The following FAN1 variants were observed in gnomAD, a reference collection of about 807,000 sequenced individuals.
The protein encoded by FAN1 is fanconi-associated nuclease 1.
FAN1 carries 91 observed loss-of-function variants against 104.9 expected under a neutral mutation model. The observed-to-expected ratio is 0.87, with a 90% confidence interval of 0.73 to 1.03. The LOEUF (loss-of-function observed/expected upper bound fraction) is 1.03, where lower values mean the gene tolerates loss of function less well. Among genes scored for constraint, FAN1 ranks in the 50% least tolerant of loss-of-function variants. The pLI, the probability that FAN1 is intolerant of heterozygous loss-of-function variation, is 0.00. For synonymous variants in FAN1, 478 were observed against 457.6 expected, an observed-to-expected ratio of 1.04 and a Z score of -0.57; for missense variants, 1,263 against 1,239.9, an observed-to-expected ratio of 1.02 and a Z score of -0.28.
At chr15:30,925,758 G>T in intron 9 of FAN1, 31 bp from the exon 10 acceptor site, 2 of 1,612,738 alleles carry the variant, frequency 1.2e-6, no homozygotes, top group Non-Finnish European at 1.7e-6. Context: ...CTGACCTGAG[G>T]CTAATAGATG....
At chr15:30,909,407 G>T (rs1251871344) in intron 3 of FAN1, among the ~76,000 whole-genome samples, 1 of 152,210 alleles carries the variant, frequency 6.6e-6, no homozygotes, top group Admixed American at 6.5e-5. Context: ...AGGACCCTCT[G>T]CAGAGCAGCG....
At chr15:30,911,407 G>GA in intron 4 of FAN1, 1 of 984,466 alleles carries the variant, frequency 1.0e-6, no homozygotes, top group South Asian at 4.7e-5. Flanking sequence ...GGATGCTTTT[G>GA]AAAACACTTT....
At position 30,927,667 on chromosome 15, in the gene FAN1, G is replaced by A. The variant is rs150618836; in HGVS notation, c.2489-886G>A. ...GCTGCCAGTACTGGCATGTCAGGAT[G>A]GGGGTCTGGTGGTCAGCACCTCCTC... is the stretch of plus-strand genomic sequence containing the variant. On this transcript the variant is annotated intron_variant, in intron 10 of 14. Transcript: ENST00000362065. 297 of 985,658 alleles carry A rather than the reference G, an allele frequency of 3.0e-4. No individual in the cohort carries two copies. The African/African-American group carries it at 4.7e-3, about 16-fold the overall frequency. 61.1% of individuals were successfully genotyped at this position (985,658 alleles called of 1,614,324 possible).
intron 12 of FAN1, among the ~76,000 whole-genome samples, chr15:30,929,642 CAATATAT>C (rs1418946712): frequency 2.9e-5 from 3 of 102,366 alleles, no homozygotes; most frequent in African/African-American, 1.4e-4. Context: ...ATACAATATA[CAATATAT>C]AATATAATAT....
chr15:30,928,679 C>A (rs756828695), intron 11 of FAN1, 23 bp downstream of exon 11: 1 of 1,613,284 alleles, frequency 6.2e-7, no homozygotes, highest in African/African-American at 1.3e-5. Context: ...CCCTGCCCCA[C>A]GAGTAGGTCC....
intron 14 of FAN1, chr15:30,941,223 A>T (rs2063037943): frequency 7.1e-7 from 1 of 1,404,888 alleles, no homozygotes; most frequent in Admixed American, 2.1e-5. Flanking sequence ...AGACAACATG[A>T]ACAGTTTGAT....
chr15:30,915,286 T>C (rs1366570781), intron 5 of FAN1, among the ~76,000 whole-genome samples: 2 of 152,196 alleles, frequency 1.3e-5, no homozygotes, highest in African/African-American at 4.8e-5. Context: ...GAATAGTGGT[T>C]ACCAGAGGCT....
chr15:30,913,447 T>G (rs964809574), intron 4 of FAN1, among the ~76,000 whole-genome samples: 1 of 152,200 alleles, frequency 6.6e-6, no homozygotes, highest in African/African-American at 2.4e-5. Context: ...AAATCTGATG[T>G]TTTACCTGGA....
chr15:30,942,074 T>C lies in FAN1; in HGVS notation c.*512T>C, dbSNP rs1362578886. ...TCTTAGTGTGGAGCTGTAGCTTTTC[T>C]ATACAGAAGAGATTTTATTATGTTC... On this transcript the variant is annotated 3_prime_UTR_variant, in exon 15 of 15. Coordinates refer to ENST00000362065, the MANE Select transcript of FAN1 (RefSeq NM_014967.5). The C allele has an allele frequency of 2.5e-6, 4 of 1,608,858 alleles. No homozygotes were observed. Among genetic ancestry groups the C allele is most frequent in the Non-Finnish European group, 3.4e-6 (4 of 1,176,794 alleles).
At position 30,937,204 on chromosome 15, in the gene FAN1, T is replaced by G; in HGVS notation, c.3002T>G (p.Val1001Gly). Residue 1001 changes from valine (V) to glycine (G), a missense_variant, in exon 14 of 15, where the codon GTA (valine) becomes GGA (glycine). By Grantham distance (109) the Val-to-Gly change is moderately radical. This residue lies in a region of FAN1 where 581 missense variants were observed against 668.8 expected (regional missense o/e 0.87). Transcript: ENST00000362065. ...GAACTGCAGAAGCTGGGGGCTGAAG[T>G]AGAAGTCTGCCATGTGGTTGCAGTT... ...LAELQKLGAE[V>G]EVCHVVAVGA... 6.2e-7 allele frequency: 1 copy of G among 1,614,084 alleles called. No homozygotes were observed. Among genetic ancestry groups the G allele is most frequent in the South Asian group, 1.1e-5 (1 of 91,070 alleles).
Position 30,908,216 on chromosome 15 carries a change from C to A in FAN1, c.1333C>A (p.Pro445Thr). Residue 445 changes from proline (P) to threonine (T), a missense_variant, in exon 3 of 15, where the codon CCT becomes ACT. Transcript: ENST00000362065. ...EYEEIALDLT[P>T]VIEELTNAGF... is the part of the protein sequence containing the mutation. The stretch of plus-strand genomic sequence containing the variant: ...TGAAGAGATTGCCTTAGACTTAACA[C>A]CTGTGATTGAAGAATTGACGAATGC... The A allele has an allele frequency of 6.2e-7, 1 of 1,608,472 alleles. No homozygotes were observed.
chr15:30,920,684 T>TA (rs1291436309), intron 7 of FAN1, 31 bp downstream of exon 7: 2 of 1,279,412 alleles, frequency 1.6e-6, no homozygotes, highest in Non-Finnish European at 1.1e-6. Context: ...CCCCCACCAT[T>TA]ACTGATGTGA....
At chr15:30,932,513 GA>G (rs2062739119) in intron 13 of FAN1, among the ~76,000 whole-genome samples, 1 of 152,074 alleles carries the variant, frequency 6.6e-6, no homozygotes, top group Non-Finnish European at 1.5e-5. Context: ...ACATTTGATA[GA>G]ATTCCCCAGT....
In FAN1 at chr15:30,904,590, A is replaced by T. The variant is rs2061927216; in HGVS notation, c.-74A>T. ...GGTGATTTCAAGTCAAGAAAGTAAA[A>T]GTAAACCATTGCTATCTTTCACCTT... On this transcript the variant is annotated 5_prime_UTR_variant, in exon 2 of 15. In the 5' UTR this introduces an upstream ATG that the reference lacks. Coordinates refer to ENST00000362065, the MANE Select transcript of FAN1 (RefSeq NM_014967.5). 1 of 1,448,952 alleles carries T rather than the reference A, an allele frequency of 6.9e-7. No homozygotes were observed. The highest frequency in any genetic ancestry group is 1.7e-5 in the Admixed American group (1 of 59,696). The allele number at this position is 1,448,952 out of a possible 1,614,324, so 89.8% of individuals were successfully genotyped here.
intron 14 of FAN1, chr15:30,939,166 G>T (rs1332713525): frequency 1.0e-6 from 1 of 985,226 alleles, no homozygotes; most frequent in East Asian, 1.1e-4. Context: ...CCCTCTGTTA[G>T]TACAAATTAA....
In FAN1 at chr15:30,914,058, C is replaced by T; in HGVS notation, c.1778C>T (p.Thr593Ile). The change falls in exon 5 of 15, where the codon ACC becomes ATC. Residue 593 changes from threonine (T) to isoleucine (I), a missense_variant. By Grantham distance (89) the Thr-to-Ile change is moderately conservative (BLOSUM62 -1). Transcript: ENST00000362065. ...EFPSYTINRKTHIFQDRDDLI... is the reference protein window; with the variant it reads ...EFPSYTINRKIHIFQDRDDLI... ...CCTAGTTACACCATCAATCGGAAAA[C>T]CCACATCTTCCAAGACAGAGATGAT... 3 of 1,613,968 alleles carry T rather than the reference C, an allele frequency of 1.9e-6. No individual in the cohort carries two copies. Among genetic ancestry groups the T allele is most frequent in the African/African-American group, 1.3e-5 (1 of 75,012 alleles).
chr15:30,924,914 AGCACGTT>A (rs2062421752), intron 8 of FAN1, among the ~76,000 whole-genome samples: 1 of 152,242 alleles, frequency 6.6e-6, no homozygotes, highest in Non-Finnish European at 1.5e-5. Context: ...GTCACGCTCC[AGCACGTT>A]GACTGTGAAG....
chr15:30,917,439 A>G (rs1001171260), intron 5 of FAN1, among the ~76,000 whole-genome samples: 1 of 152,188 alleles, frequency 6.6e-6, no homozygotes, highest in African/African-American at 2.4e-5. Context: ...AATGAGATCT[A>G]AGAATTTGTG....
Position 30,905,499 on chromosome 15 carries a change from C to A in FAN1, c.836C>A (p.Ser279Ter). The A allele has an allele frequency of 1.2e-6, 2 of 1,613,998 alleles. No homozygotes were observed. The highest frequency in any genetic ancestry group is 8.5e-7 in the Non-Finnish European group (1 of 1,179,908). Residue 279 changes from serine to a stop codon, truncating the protein, a stop_gained, in exon 2 of 15, where the codon TCA becomes TAA. Coordinates refer to ENST00000362065, the MANE Select transcript of FAN1 (RefSeq NM_014967.5). LOFTEE classifies it high-confidence loss of function. ...CTTAGGAATACATTAAAGTCTACTT[C>A]AGAAGACAGTCTTGTAAAGCAAGAG... ...FTLRNTLKST[S>*]EDSLVKQECI...
Sources: gnomAD v4.1 joint callset for allele counts (sites outside exome capture counted in the v4.1 genomes callset) on GRCh38, gnomAD v4.1.1 for gene constraint, gnomAD v4.1.1 regional missense constraint, MANE v1.5 for transcripts, NCBI Gene and HGNC (gene_info 2026-07-23, HGNC 2026-07-21) for gene names.